The following FREM2 variants were observed in gnomAD, a reference collection of about 807,000 sequenced individuals.
FREM2 encodes the protein FRAS1-related extracellular matrix protein 2.
FREM2 carries 119 observed loss-of-function variants against 219.9 expected under a neutral mutation model. That is an observed-to-expected ratio of 0.54 (90% CI 0.47 to 0.63). FREM2 has a LOEUF of 0.63. FREM2 is among the 30% of genes least tolerant of loss of function. The pLI is 0.00. For missense variants in FREM2, 4,030 were observed against 3,993.6 expected (o/e 1.01, Z -0.25); for synonymous variants, 1,562 against 1,522.8 (o/e 1.03, Z -0.60).
chr13:38,792,644 C>G (rs2137840326), intron 6 of FREM2, among the ~76,000 whole-genome samples: 1 of 152,308 alleles, frequency 6.6e-6, no homozygotes, highest in South Asian at 2.1e-4. Flanking sequence ...GGGTTTGGTA[C>G]TATCTGTGTC....
At chr13:38,776,634 A>G (rs1289164260) in intron 4 of FREM2, among the ~76,000 whole-genome samples, 1 of 152,200 alleles carries the variant, frequency 6.6e-6, no homozygotes, top group Non-Finnish European at 1.5e-5. Flanking sequence ...AAGGGTAATT[A>G]AATCAATCTG....
intron 2 of FREM2, among the ~76,000 whole-genome samples, chr13:38,721,487 G>A (rs867294117): frequency 7.2e-5 from 11 of 152,160 alleles, no homozygotes; most frequent in South Asian, 4.1e-4. Flanking sequence ...CAGTCAGTGA[G>A]TGCATTTGTT....
chr13:38,763,124 T>C (rs568447596), intron 2 of FREM2, among the ~76,000 whole-genome samples: 1 of 152,346 alleles, frequency 6.6e-6, no homozygotes, highest in Admixed American at 6.5e-5. Context: ...CATTGGCACA[T>C]AGCTGTCCAA....
rs111339622 is a variant in FREM2 at position 38,731,995 on chromosome 13, A to G, written c.5264-32309A>G. Among the ~76,000 whole-genome samples, 3 of 152,336 alleles carry G rather than the reference A, an allele frequency of 2.0e-5. 1 individual carries two copies. Among genetic ancestry groups the G allele is most frequent in the African/African-American group, 4.8e-5 (2 of 41,592 alleles). ...GAATTTTCATCTTGAGATGTGTCACATAGAGCTTGGAAATGAATATCCATA... is the reference window on the plus strand; with the variant it reads ...GAATTTTCATCTTGAGATGTGTCACGTAGAGCTTGGAAATGAATATCCATA... On this transcript the variant is annotated intron_variant, in intron 2 of 23. Coordinates refer to ENST00000280481, the MANE Select transcript of FREM2 (RefSeq NM_207361.6).
chr13:38,764,252 A>C (rs2137809155), intron 2 of FREM2, 52 bp from the exon 3 acceptor site: 5 of 1,266,138 alleles, frequency 3.9e-6, no homozygotes, highest in Middle Eastern at 3.8e-4. Flanking sequence ...AATTTTGAAG[A>C]TCACTCATTC....
chr13:38,880,587 A>G lies in FREM2; in HGVS notation c.9310A>G (p.Ser3104Gly), dbSNP rs1479739894. 1.2e-6 allele frequency: 2 copies of G among 1,614,054 alleles called. No homozygotes were observed. The highest frequency in any genetic ancestry group is 2.2e-5 in the East Asian group (1 of 44,860). The change falls in exon 24 of 24, where the codon AGC becomes GGC. Residue 3104 changes from serine to glycine, a missense_variant. Transcript: ENST00000280481. ...TGGCATCCTCCCCTGGGAGCTCAAC[A>G]GCCCCAGCTCTGCAGTCAGCCTGGT... is the stretch of plus-strand genomic sequence containing the variant. The part of the protein sequence containing the change: ...PDGILPWELN[S>G]PSSAVSLVTV...
intron 2 of FREM2, among the ~76,000 whole-genome samples, chr13:38,709,299 C>G (rs541273326): frequency 2.0e-5 from 3 of 152,120 alleles, no homozygotes; most frequent in Non-Finnish European, 4.4e-5. Context: ...CAGACATCTC[C>G]GCTGTGTTTC....
chr13:38,834,655 A>G (rs915479338), intron 6 of FREM2, among the ~76,000 whole-genome samples: 1 of 152,210 alleles, frequency 6.6e-6, no homozygotes, highest in Non-Finnish European at 1.5e-5. Context: ...AACTGGCATG[A>G]AATGGTGTTC....
In FREM2 at chr13:38,689,628, G is replaced by C; in HGVS notation, c.2284G>C (p.Val762Leu). The C allele has an allele frequency of 6.2e-7, 1 of 1,613,982 alleles. No individual in the cohort carries two copies. ...NHLPAPLGTL[V>L]LTDNPSVVVT... is the part of the protein sequence containing the mutation. The stretch of plus-strand genomic sequence containing the variant: ...CCTGCCAGCCCCACTGGGTACCTTG[G>C]TCTTGACTGACAACCCCTCAGTCGT... The change falls in exon 1 of 24, where the codon GTC (valine) becomes CTC (leucine). Residue 762 changes from valine (V) to leucine (L), a missense_variant. Val to Leu is a conservative substitution (Grantham distance 32). Around this residue, in one of 2 missense-constraint regions of FREM2, gnomAD observed 3,102 missense variants for 2,950.7 expected, o/e 1.05. Coordinates refer to ENST00000280481, the MANE Select transcript of FREM2 (RefSeq NM_207361.6).
At chr13:38,786,560 G>A (rs754425272) in intron 6 of FREM2, among the ~76,000 whole-genome samples, 2 of 152,016 alleles carry the variant, frequency 1.3e-5, no homozygotes, top group Admixed American at 6.6e-5. Context: ...AAATCTAATA[G>A]CCCATGCTAA....
intron 12 of FREM2, 124 bp downstream of exon 12, chr13:38,856,380 T>C (rs1877562207): frequency 3.6e-6 from 3 of 841,310 alleles, no homozygotes; most frequent in Non-Finnish European, 6.0e-6. Flanking sequence ...GAAAGAGATA[T>C]GCATAATCTC....
chr13:38,866,523 C>T (rs781777100), intron 16 of FREM2, among the ~76,000 whole-genome samples: 1 of 151,138 alleles, frequency 6.6e-6, no homozygotes, highest in Non-Finnish European at 1.5e-5. Context: ...ATAAAATTAG[C>T]CGGGCGTGGT....
At chr13:38,729,249 A>G (rs780382693) in intron 2 of FREM2, among the ~76,000 whole-genome samples, 18 of 152,200 alleles carry the variant, frequency 1.2e-4, no homozygotes, top group Non-Finnish European at 1.8e-4. Context: ...AACACAGCTC[A>G]TGATTCACTC....
chr13:38,751,406 C>A (rs1018335619), intron 2 of FREM2, among the ~76,000 whole-genome samples: 1 of 152,092 alleles, frequency 6.6e-6, no homozygotes, highest in African/African-American at 2.4e-5. Flanking sequence ...AGCTTATCTC[C>A]TCCTCCCCTT....
In FREM2 at chr13:38,812,198, G is replaced by A. The variant is rs139374287; in HGVS notation, c.6019+27390G>A. Among the ~76,000 whole-genome samples, 88 of 152,144 alleles carry A rather than the reference G, an allele frequency of 5.8e-4. 3 individuals are homozygous for A. The East Asian group carries it at 0.013, about 23-fold the overall frequency. ...GTCTATGTGTATCTTTATAAGTGAAGTATGTTTCTTATAGTCAAGAGATCA... is the reference window on the plus strand; with the variant it reads ...GTCTATGTGTATCTTTATAAGTGAAATATGTTTCTTATAGTCAAGAGATCA... On this transcript the variant is annotated intron_variant, in intron 6 of 23. Transcript: ENST00000280481.
In FREM2 at chr13:38,692,315, A is replaced by C; in HGVS notation, c.4971A>C (p.Gln1657His). Residue 1657 changes from glutamine to histidine, a missense_variant, in exon 1 of 24, where the codon CAA (glutamine) becomes CAC (histidine). By Grantham distance (24) the Gln-to-His change is conservative. Transcript: ENST00000280481. ...TGGCTGTTGACAACAGTGTCCCCCA[A>C]ATCGCAGTGAATAAGGGGGCCTCTA... ...QVLAVDNSVP[Q>H]IAVNKGASTL... 6.2e-7 allele frequency: 1 copy of C among 1,608,554 alleles called. No individual in the cohort carries two copies. The highest frequency in any genetic ancestry group is 8.5e-7 in the Non-Finnish European group (1 of 1,176,982).
At chr13:38,723,192 G>A (rs1195246716) in intron 2 of FREM2, among the ~76,000 whole-genome samples, 1 of 151,802 alleles carries the variant, frequency 6.6e-6, no homozygotes, top group Non-Finnish European at 1.5e-5. Flanking sequence ...CCGAGATTGG[G>A]CCACTGCACT....
chr13:38,857,784 G>C, intron 12 of FREM2, 91 bp from the exon 13 acceptor site: 1 of 1,120,484 alleles, frequency 8.9e-7, no homozygotes, highest in Non-Finnish European at 1.4e-6. Flanking sequence ...AGGCCATGGG[G>C]TTGCCAGGGA....
At chr13:38,812,117 T>G (rs1875503920) in intron 6 of FREM2, among the ~76,000 whole-genome samples, 1 of 152,212 alleles carries the variant, frequency 6.6e-6, no homozygotes, top group African/African-American at 2.4e-5. Context: ...TAGCTACTCC[T>G]GCTCTTTTTT....
Sources: gnomAD v4.1 joint callset for allele counts (sites outside exome capture counted in the v4.1 genomes callset) on GRCh38, gnomAD v4.1.1 for gene constraint, gnomAD v4.1.1 regional missense constraint, MANE v1.5 for transcripts, NCBI Gene and HGNC (gene_info 2026-07-23, HGNC 2026-07-21) for gene names.